CLIP3: variants seen among roughly 807,000 people sequenced by gnomAD.
The protein encoded by CLIP3 is CAP-Gly domain-containing linker protein 3.
A neutral mutation model predicts 59.4 loss-of-function variants in CLIP3; 15 were observed. The observed-to-expected ratio is 0.25, with a 90% CI of 0.17 to 0.39. CLIP3 has a LOEUF of 0.39. Ranked by LOEUF, CLIP3 falls within the 10% of genes least tolerant of loss-of-function variation. The pLI, the probability that CLIP3 is intolerant of heterozygous loss-of-function variation, is 1.00. For missense variants in CLIP3, 495 were observed against 765.7 expected (o/e 0.65, Z 4.17); for synonymous variants, 300 against 321.6 (o/e 0.93, Z 0.72).
Position 36,026,626 on chromosome 19 carries a change from G to A in CLIP3, c.522C>T (p.Pro174=). 1 of 1,613,684 alleles carries A rather than the reference G, an allele frequency of 6.2e-7. No individual in the cohort carries two copies. Among genetic ancestry groups the A allele is most frequent in the Non-Finnish European group, 8.5e-7 (1 of 1,179,918 alleles). The stretch of plus-strand genomic sequence containing the variant: ...CCTTCAGCAGCACACGCACGAGGTC[G>A]GGCACATCAAAATAGGCCGCGTAGT... ...ALHYAAYFDV[P]DLVRVLLKGA... Residue 174 remains proline, a synonymous_variant, in exon 5 of 14, where the codon CCC becomes CCT. Transcript: ENST00000360535. The surrounding 1 kb of genome is among the most constrained non-coding windows in gnomAD (Gnocchi z 6.3).
chr19:36,017,540 G>A (rs1200452597), intron 11 of CLIP3, 90 bp from the exon 12 acceptor site: 2 of 1,597,774 alleles, frequency 1.3e-6, no homozygotes. Context: ...TGAGGAAAGG[G>A]CTGGGGGCTC....
chr19:36,024,920 G>T (rs1568542645), intron 6 of CLIP3, among the ~76,000 whole-genome samples: 1 of 152,112 alleles, frequency 6.6e-6, no homozygotes. Flanking sequence ...ACAAAAATTA[G>T]CCGGGTGTGG....
At chr19:36,020,752 C>T (rs958724899) in intron 7 of CLIP3, among the ~76,000 whole-genome samples, 5 of 152,202 alleles carry the variant, frequency 3.3e-5, no homozygotes, top group Non-Finnish European at 7.3e-5. Context: ...AATATTTCCA[C>T]CATTACAGAA....
rs377421648 is a variant in CLIP3, at chr19:36,024,600, G to A, written c.714C>T (p.Val238=). ...NRKGQVPAEV[V]PDPMDMSLDK... ...CCAGGGACATGTCCATAGGATCTGGGACCACCTCCGCCGGCACCTGTCCTT... is the reference window on the plus strand; with the variant it reads ...CCAGGGACATGTCCATAGGATCTGGAACCACCTCCGCCGGCACCTGTCCTT... Residue 238 remains valine, a synonymous_variant, in exon 7 of 14, where the codon GTC becomes GTT. Coordinates refer to ENST00000360535, the MANE Select transcript of CLIP3 (RefSeq NM_015526.3). The A allele has an allele frequency of 1.2e-6, 2 of 1,614,176 alleles. No individual in the cohort carries two copies. The highest frequency in any genetic ancestry group is 1.7e-6 in the Non-Finnish European group (2 of 1,180,036).
intron 7 of CLIP3, among the ~76,000 whole-genome samples, chr19:36,021,713 C>A (rs1402712144): frequency 6.6e-6 from 1 of 152,078 alleles, no homozygotes; most frequent in Non-Finnish European, 1.5e-5. Flanking sequence ...CATGAGCCAC[C>A]ACATTTGGCG....
In CLIP3 at chr19:36,026,571, G is replaced by A. The variant is rs1419820465; in HGVS notation, c.562+15C>T. ...CAGGTCCTTGCCCCCTCCCAGCCAG[G>A]GCTCTCCTCCTCACCTCGCGGCCTC... On this transcript the variant is annotated intron_variant, in intron 5 of 13. Coordinates refer to ENST00000360535, the MANE Select transcript of CLIP3 (RefSeq NM_015526.3). This position sits in a 1 kb window ranked among gnomAD's most constrained non-coding sequence, Gnocchi z 6.3. 5 of 1,612,592 alleles carry A rather than the reference G, an allele frequency of 3.1e-6. No homozygotes were observed. Among genetic ancestry groups the A allele is most frequent in the Non-Finnish European group, 4.2e-6 (5 of 1,179,514 alleles).
At chr19:36,023,415 A>G (rs767493625) in intron 7 of CLIP3, among the ~76,000 whole-genome samples, 2 of 152,126 alleles carry the variant, frequency 1.3e-5, no homozygotes, top group Non-Finnish European at 2.9e-5. Flanking sequence ...TTGCAAAGGA[A>G]GTTCTTTCCT....
intron 9 of CLIP3, among the ~76,000 whole-genome samples, chr19:36,018,206 T>C (rs1393245170): frequency 6.6e-6 from 1 of 152,150 alleles, no homozygotes; most frequent in Non-Finnish European, 1.5e-5. Flanking sequence ...AAGCTGAGGA[T>C]ATGTTGGATA....
At chr19:36,018,828 C>T (rs1968871291) in intron 9 of CLIP3, 70 bp downstream of exon 9, 1 of 1,543,226 alleles carries the variant, frequency 6.5e-7, no homozygotes, top group Non-Finnish European at 8.7e-7. Context: ...GAAACTGAGT[C>T]ACAGAAGCTG....
intron 11 of CLIP3, 80 bp from the exon 12 acceptor site, chr19:36,017,530 T>C: frequency 8.1e-6 from 13 of 1,600,944 alleles, no homozygotes; most frequent in Non-Finnish European, 1.1e-5. Flanking sequence ...CAGGGATCTA[T>C]GAGGAAAGGG....
intron 2 of CLIP3, among the ~76,000 whole-genome samples, chr19:36,031,008 C>CTTTTTTTTTTTTCTTT (rs1969242944): frequency 1.3e-5 from 1 of 77,838 alleles, no homozygotes; most frequent in African/African-American, 5.5e-5. Context: ...TTTTTCTTTT[C>CTTTTTTTTTTTTCTTT]TTTTTTTTTT....
chr19:36,020,578 A>C (rs1485669201), intron 7 of CLIP3, among the ~76,000 whole-genome samples: 1 of 152,202 alleles, frequency 6.6e-6, no homozygotes, highest in Non-Finnish European at 1.5e-5. Context: ...CAGCCTGAGC[A>C]ACAGAGCAAG....
chr19:36,027,617 C>G (rs562961235), intron 2 of CLIP3, among the ~76,000 whole-genome samples: 2 of 152,246 alleles, frequency 1.3e-5, no homozygotes, highest in Non-Finnish European at 2.9e-5. Flanking sequence ...ACCTCACCCA[C>G]TGTTGCCCTG....
chr19:36,026,567 C>T lies in CLIP3; in HGVS notation c.562+19G>A. ...CACCCAGGTCCTTGCCCCCTCCCAGCCAGGGCTCTCCTCCTCACCTCGCGG... is the reference window on the plus strand; with the variant it reads ...CACCCAGGTCCTTGCCCCCTCCCAGTCAGGGCTCTCCTCCTCACCTCGCGG... On this transcript the variant is annotated intron_variant, in intron 5 of 13. Coordinates refer to ENST00000360535, the MANE Select transcript of CLIP3 (RefSeq NM_015526.3). This position sits in a 1 kb window ranked among gnomAD's most constrained non-coding sequence, Gnocchi z 6.3. 6.2e-7 allele frequency: 1 copy of T among 1,612,522 alleles called. No individual in the cohort carries two copies. Among genetic ancestry groups the T allele is most frequent in the Non-Finnish European group, 8.5e-7 (1 of 1,179,392 alleles).
intron 7 of CLIP3, among the ~76,000 whole-genome samples, chr19:36,019,894 T>C (rs985599380): frequency 2.2e-4 from 34 of 151,486 alleles, no homozygotes; most frequent in African/African-American, 5.8e-4. Flanking sequence ...TGAGCCACCA[T>C]GCCTGGCCAA....
chr19:36,032,063 G>A lies in CLIP3; in HGVS notation c.166+129C>T, dbSNP rs1269591384. 4 of 463,884 alleles carry A rather than the reference G, an allele frequency of 8.6e-6. No individual in the cohort carries two copies. Among genetic ancestry groups the A allele is most frequent in the African/African-American group, 4.0e-5 (2 of 49,576 alleles). 28.7% of individuals were successfully genotyped at this position (463,884 alleles called of 1,614,324 possible). On this transcript the variant is annotated intron_variant, in intron 2 of 13. Transcript: ENST00000360535. The surrounding 1 kb of genome is among the most constrained non-coding windows in gnomAD (Gnocchi z 4.3). Reference sequence around the variant, plus strand: ...ATGAATTAACGAGGGGTGCTCTGCAGCCAAGATTCCTCTGGACCACCTTCA... The same window carrying A: ...ATGAATTAACGAGGGGTGCTCTGCAACCAAGATTCCTCTGGACCACCTTCA...
intron 7 of CLIP3, among the ~76,000 whole-genome samples, chr19:36,022,572 C>T (rs983593163): frequency 1.3e-5 from 2 of 152,142 alleles, no homozygotes; most frequent in Non-Finnish European, 1.5e-5. Context: ...AAGAGTCAAC[C>T]CAACCTTCCT....
chr19:36,022,082 G>A (rs900586503), intron 7 of CLIP3, among the ~76,000 whole-genome samples: 3 of 151,890 alleles, frequency 2.0e-5, no homozygotes, highest in African/African-American at 4.8e-5. Context: ...AGGTTTCACC[G>A]GGTTAGCCAG....
Position 36,016,288 on chromosome 19 carries a change from C to A in CLIP3, c.1590-76G>T. 1.3e-6 allele frequency: 2 copies of A among 1,546,236 alleles called. No homozygotes were observed. The highest frequency in any genetic ancestry group is 2.3e-5 in the South Asian group (2 of 88,624). On this transcript the variant is annotated intron_variant, in intron 13 of 13. Transcript: ENST00000360535. The surrounding 1 kb of genome is among the most constrained non-coding windows in gnomAD (Gnocchi z 4.1). ...CTGCACCCATCACCCCCAGCCTTTC[C>A]CCCAGTGTTTGCTATCAGGCCTTTC...
Sources: gnomAD v4.1 joint callset for allele counts (sites outside exome capture counted in the v4.1 genomes callset) on GRCh38, gnomAD v4.1.1 for gene constraint, Gnocchi (gnomAD v3.1) non-coding constraint, MANE v1.5 for transcripts, NCBI Gene and HGNC (gene_info 2026-07-23, HGNC 2026-07-21) for gene names.